The following SYTL3 variants were observed in gnomAD, a reference collection of about 807,000 sequenced individuals.
SYTL3 encodes the protein synaptotagmin like 3.
A neutral mutation model predicts 82.1 loss-of-function variants in SYTL3; 88 were observed. The ratio of observed to expected loss-of-function variants is 1.07; its 90% CI spans 0.90 to 1.28. SYTL3 has a LOEUF of 1.28. Among genes scored for constraint, SYTL3 ranks in the 50% most tolerant of loss-of-function variants. SYTL3 has a pLI of 0.00. For missense variants in SYTL3, 831 were observed against 757.6 expected, an observed-to-expected ratio of 1.10 and a Z score of -1.14; for synonymous variants, 311 against 289.4, an observed-to-expected ratio of 1.07 and a Z score of -0.76.
intron 5 of SYTL3, among the ~76,000 whole-genome samples, chr6:158,666,545 A>G (rs1337743124): frequency 2.6e-5 from 4 of 152,204 alleles, no homozygotes; most frequent in African/African-American, 7.2e-5. Context: ...GACGGTGCAC[A>G]AGGACATCAC....
rs774507715 is a variant in SYTL3 at position 158,708,370 on chromosome 6, G to A, written c.495G>A (p.Gln165=). 7.4e-6 allele frequency: 12 copies of A among 1,614,052 alleles called. No homozygotes were observed. The highest frequency in any genetic ancestry group is 1.3e-5 in the African/African-American group (1 of 74,924). The part of the protein sequence containing the change: ...PPTPPPVSES[Q]CSRSPGRLQE... Reference sequence around the variant, plus strand: ...CTCCACCTCCTGTCAGCGAGAGCCAGTGCAGCCGCAGTCCTGGCAGGGTAA... The same window carrying A: ...CTCCACCTCCTGTCAGCGAGAGCCAATGCAGCCGCAGTCCTGGCAGGGTAA... The change falls in exon 8 of 18, where the codon CAG becomes CAA. Residue 165 remains glutamine, a synonymous_variant. Transcript: ENST00000611299.
intron 12 of SYTL3, among the ~76,000 whole-genome samples, chr6:158,746,653 A>G (rs1787706795): frequency 6.6e-6 from 1 of 151,608 alleles, no homozygotes; most frequent in Non-Finnish European, 1.5e-5. Flanking sequence ...TTTAGTAGAG[A>G]CGGGGTTTCA....
intron 6 of SYTL3, among the ~76,000 whole-genome samples, chr6:158,693,855 C>CTTTTCTTTTCTTTT (rs71030191): frequency 0.014 from 1,331 of 96,838 alleles, 168 homozygotes; most frequent in African/African-American, 0.065. Flanking sequence ...TTTTTCTTTT[C>CTTTTCTTTTCTTTT]TTTTTTTTTT....
rs764914107 is a variant in SYTL3, at chr6:158,757,215, A to G, written c.1142A>G (p.Gln381Arg). Reference sequence around the variant, plus strand: ...ATCTCTTCCTTGCCTCTGCAGTATCAGGTGGCCCCTGCCCAGCTGGTGACC... The same window carrying G: ...ATCTCTTCCTTGCCTCTGCAGTATCGGGTGGCCCCTGCCCAGCTGGTGACC... The part of the protein sequence containing the change: ...DPTFQETLKY[Q>R]VAPAQLVTRQ... Residue 381 changes from glutamine to arginine, a missense_variant, in exon 14 of 18, where the codon CAG becomes CGG. Transcript: ENST00000611299. The G allele has an allele frequency of 1.2e-6, 2 of 1,607,676 alleles. No individual in the cohort carries two copies. The highest frequency in any genetic ancestry group is 8.5e-7 in the Non-Finnish European group (1 of 1,179,510).
intron 14 of SYTL3, among the ~76,000 whole-genome samples, chr6:158,759,772 G>A (rs545949737): frequency 6.6e-6 from 1 of 152,112 alleles, no homozygotes; most frequent in Non-Finnish European, 1.5e-5. Context: ...GACCTCAGGT[G>A]ATCCCACCTT....
chr6:158,664,047 C>G (rs1425300242), intron 4 of SYTL3, among the ~76,000 whole-genome samples: 1 of 152,164 alleles, frequency 6.6e-6, no homozygotes, highest in Non-Finnish European at 1.5e-5. Flanking sequence ...CTGTCAAGAT[C>G]CATCTTTAAA....
At chr6:158,684,680 C>T (rs1779097526) in intron 6 of SYTL3, among the ~76,000 whole-genome samples, 1 of 152,036 alleles carries the variant, frequency 6.6e-6, no homozygotes, top group Non-Finnish European at 1.5e-5. Flanking sequence ...GAACCTCACC[C>T]AAAAGTTTGT....
At position 158,718,152 on chromosome 6, in the gene SYTL3, T is replaced by C. The variant is rs756053129; in HGVS notation, c.661T>C (p.Cys221Arg). The C allele has an allele frequency of 5.8e-6, 9 of 1,546,718 alleles. No individual in the cohort carries two copies. The highest frequency in any genetic ancestry group is 1.7e-6 in the Non-Finnish European group (2 of 1,145,162). Reference protein sequence around the residue: ...KHLLATGPRQCVGQTERRSQS... With the variant: ...KHLLATGPRQRVGQTERRSQS... ...TCTTCTCGCCACGGGCCCCAGGCAG[T>C]GTGTGGGACAGACAGAGAGACGGAG... Residue 221 changes from cysteine (C) to arginine (R), a missense_variant, in exon 10 of 18, where the codon TGT (cysteine) becomes CGT (arginine). Cys to Arg is a radical substitution (Grantham distance 180, BLOSUM62 -3). Coordinates refer to ENST00000611299, the MANE Select transcript of SYTL3 (RefSeq NM_001242394.2).
chr6:158,761,301 CTTTT>C (rs11463987), intron 15 of SYTL3, among the ~76,000 whole-genome samples: 2 of 93,888 alleles, frequency 2.1e-5, no homozygotes, highest in African/African-American at 8.6e-5. Context: ...ATGCACATTT[CTTTT>C]TTTTTTTTTT....
chr6:158,690,933 G>C (rs1779797024), intron 6 of SYTL3, among the ~76,000 whole-genome samples: 1 of 152,190 alleles, frequency 6.6e-6, no homozygotes. Context: ...AATCCGTGCA[G>C]AGGGTTTTTA....
At chr6:158,700,383 C>T (rs1222157137) in intron 6 of SYTL3, among the ~76,000 whole-genome samples, 1 of 152,058 alleles carries the variant, frequency 6.6e-6, no homozygotes, top group Non-Finnish European at 1.5e-5. Flanking sequence ...TCCCAAAGTG[C>T]TGGGATTACA....
At chr6:158,684,120 C>T (rs1198521531) in intron 6 of SYTL3, among the ~76,000 whole-genome samples, 1 of 152,156 alleles carries the variant, frequency 6.6e-6, no homozygotes, top group African/African-American at 2.4e-5. Context: ...ATTCATGATT[C>T]ATGATTGGCT....
At position 158,665,582 on chromosome 6, in the gene SYTL3, G is replaced by T; in HGVS notation, c.298G>T (p.Ala100Ser). 6.4e-7 allele frequency: 1 copy of T among 1,574,650 alleles called. No individual in the cohort carries two copies. Among genetic ancestry groups the T allele is most frequent in the Non-Finnish European group, 8.6e-7 (1 of 1,160,182 alleles). Residue 100 changes from alanine (A) to serine (S), a missense_variant, in exon 5 of 18, where the codon GCC (alanine) becomes TCC (serine). Coordinates refer to ENST00000611299, the MANE Select transcript of SYTL3 (RefSeq NM_001242394.2). Reference protein sequence around the residue: ...QCRVFLRGTHAWKCTVCFEDR... With the variant: ...QCRVFLRGTHSWKCTVCFEDR... Reference sequence around the variant, plus strand: ...CCGAGTGTTCCTGAGGGGGACCCATGCCTGGAAGTGCACGGTGTGCTTCGA... The same window carrying T: ...CCGAGTGTTCCTGAGGGGGACCCATTCCTGGAAGTGCACGGTGTGCTTCGA...
intron 6 of SYTL3, among the ~76,000 whole-genome samples, chr6:158,698,226 G>A (rs531138146): frequency 1.3e-5 from 2 of 152,026 alleles, no homozygotes; most frequent in East Asian, 1.9e-4. Context: ...GTAAAATCCC[G>A]TCTCTACTAA....
chr6:158,764,581 G>C lies in SYTL3; in HGVS notation c.1810G>C (p.Asp604His), dbSNP rs375003181. Reference protein sequence around the residue: ...KVLSSPNLWTDMTLVLH With the variant: ...KVLSSPNLWTHMTLVLH Reference sequence around the variant, plus strand: ...CCTTTCCAGCCCCAATCTATGGACAGACATGACTCTTGTCCTGCACTGACA... The same window carrying C: ...CCTTTCCAGCCCCAATCTATGGACACACATGACTCTTGTCCTGCACTGACA... The change falls in exon 18 of 18, where the codon GAC becomes CAC. Residue 604 changes from aspartate (D) to histidine (H), a missense_variant. Transcript: ENST00000611299. 95 of 1,613,538 alleles carry C rather than the reference G, an allele frequency of 5.9e-5. No individual in the cohort carries two copies. Among genetic ancestry groups the C allele is most frequent in the Middle Eastern group, 1.6e-4 (1 of 6,082 alleles).
At chr6:158,743,140 C>G (rs1787151671) in intron 11 of SYTL3, among the ~76,000 whole-genome samples, 1 of 152,136 alleles carries the variant, frequency 6.6e-6, no homozygotes, top group South Asian at 2.1e-4. Context: ...CCGTCCAGCC[C>G]TTGGACGTGC....
chr6:158,735,578 C>A (rs1314224457), intron 11 of SYTL3, among the ~76,000 whole-genome samples: 2 of 152,170 alleles, frequency 1.3e-5, no homozygotes, highest in Non-Finnish European at 1.5e-5. Context: ...AAAGGTGTTG[C>A]CTTCCCTTCT....
In SYTL3 at chr6:158,741,881, T is replaced by A. The variant is rs560307017; in HGVS notation, c.856-3599T>A. Among the ~76,000 whole-genome samples, 17 of 152,310 alleles carry A rather than the reference T, an allele frequency of 1.1e-4. 1 individual carries two copies. Among genetic ancestry groups the A allele is most frequent in the African/African-American group, 3.6e-4 (15 of 41,562 alleles). On this transcript the variant is annotated intron_variant, in intron 11 of 17. Transcript: ENST00000611299. ...GTCAGTGTTGAGTTATTCAGCAACT[T>A]CTCGTGTAGTTGTGGGAGCAGCTTC...
At position 158,665,424 on chromosome 6, in the gene SYTL3, G is replaced by A; in HGVS notation, c.140G>A (p.Arg47Gln). 5 of 1,604,380 alleles carry A rather than the reference G, an allele frequency of 3.1e-6. No homozygotes were observed. The highest frequency in any genetic ancestry group is 2.7e-5 in the African/African-American group (2 of 74,900). The stretch of plus-strand genomic sequence containing the variant: ...CTGAAAACACACCTGCAGCATCTCC[G>A]GTGGAAAGGAGCGAAGAACACGGAC... ...RKLKTHLQHL[R>Q]WKGAKNTDWE... is the part of the protein sequence containing the mutation. The change falls in exon 5 of 18, where the codon CGG (arginine) becomes CAG (glutamine). Residue 47 changes from arginine (R) to glutamine (Q), a missense_variant. Transcript: ENST00000611299.
Sources: gnomAD v4.1 joint callset for allele counts (sites outside exome capture counted in the v4.1 genomes callset) on GRCh38, gnomAD v4.1.1 for gene constraint, MANE v1.5 for transcripts, NCBI Gene and HGNC (gene_info 2026-07-23, HGNC 2026-07-21) for gene names.